UBA2: variants seen among roughly 807,000 people sequenced by gnomAD.
UBA2 encodes the protein ubiquitin like modifier activating enzyme 2.
Under a neutral mutation model 77.2 loss-of-function variants are expected in UBA2, and 11 were observed. The observed-to-expected ratio is 0.14, with a 90% CI of 0.09 to 0.24. The LOEUF (loss-of-function observed/expected upper bound fraction) is 0.24. Ranked by LOEUF, UBA2 falls within the 10% of genes least tolerant of loss-of-function variation. The pLI is 1.00. For missense variants in UBA2, 487 were observed against 781.7 expected (o/e 0.62, Z 4.50); for synonymous variants, 278 against 276.7 (o/e 1.00, Z -0.05).
chr19:34,467,859 A>G (rs2145574337), intron 16 of UBA2, among the ~76,000 whole-genome samples: 1 of 152,210 alleles, frequency 6.6e-6, no homozygotes, highest in East Asian at 1.9e-4. Flanking sequence ...GGTTTTTAAC[A>G]GTTTGAAATG....
chr19:34,439,612 T>G (rs60000238), intron 6 of UBA2, among the ~76,000 whole-genome samples: 14,283 of 152,092 alleles, frequency 0.094, 1,083 homozygotes, highest in African/African-American at 0.21. Flanking sequence ...GGAGGATCCC[T>G]TGAGCCCAGG....
At position 34,431,852 on chromosome 19, in the gene UBA2, T is replaced by A; in HGVS notation, c.223-9T>A. On this transcript the variant is annotated splice_polypyrimidine_tract_variant and intron_variant, in intron 2 of 16. Coordinates refer to ENST00000246548, the MANE Select transcript of UBA2 (RefSeq NM_005499.3). ...TATTGTAGTAATTCAGTGTTGTTTA[T>A]TTTTCCAGGTTGCCAAGGAAAGTGT... 6.2e-7 allele frequency: 1 copy of A among 1,612,536 alleles called. No individual in the cohort carries two copies. The highest frequency in any genetic ancestry group is 1.3e-5 in the African/African-American group (1 of 74,980).
At position 34,444,887 on chromosome 19, in the gene UBA2, TG is replaced by T. The variant is rs1408750399; in HGVS notation, c.650-112del. 1.5e-5 allele frequency: 15 copies of T among 1,029,008 alleles called. No individual in the cohort carries two copies. The East Asian group carries it at 3.8e-4, about 26-fold the overall frequency. The allele number at this position is 1,029,008 out of a possible 1,614,324, so 63.7% of individuals were successfully genotyped here. On this transcript the variant is annotated intron_variant, in intron 7 of 16. Coordinates refer to ENST00000246548, the MANE Select transcript of UBA2 (RefSeq NM_005499.3). ...TTTCTTATTCCTTGAACTCAGAATG[TG>T]TTGCATTTGGGGATTTCCATGAGTG...
chr19:34,449,175 T>G (rs1599912830), intron 8 of UBA2, among the ~76,000 whole-genome samples: 1 of 151,274 alleles, frequency 6.6e-6, no homozygotes, highest in South Asian at 2.1e-4. Flanking sequence ...GTTCAAGCGA[T>G]TCTCCTGCCT....
At position 34,461,948 on chromosome 19, in the gene UBA2, AG is replaced by A. The variant is rs1023621167; in HGVS notation, c.1498+1383del. Reference sequence around the variant, plus strand: ...GTAGTGAGGACTCCCTGGACAAAGAAGAGAGCATTTAGACAGAATGAACATC... The same window carrying A: ...GTAGTGAGGACTCCCTGGACAAAGAAAGAGCATTTAGACAGAATGAACATC... On this transcript the variant is annotated intron_variant, in intron 14 of 16. Transcript: ENST00000246548. 2.6e-5 allele frequency among the ~76,000 whole-genome samples: 4 copies of A among 152,206 alleles called. No individual in the cohort carries two copies. In the East Asian group the frequency reaches 5.8e-4, roughly 22 times the overall value.
Position 34,464,029 on chromosome 19 carries a change from A to G in UBA2, c.1502A>G (p.Asn501Ser). The G allele has an allele frequency of 6.2e-7, 1 of 1,610,006 alleles. No individual in the cohort carries two copies. The highest frequency in any genetic ancestry group is 8.5e-7 in the Non-Finnish European group (1 of 1,176,264). The change falls in exon 15 of 17, where the codon AAT (asparagine) becomes AGT (serine). Residue 501 changes from asparagine to serine, a missense_variant. Around this residue, in one of 9 missense-constraint regions of UBA2, gnomAD observed 300 missense variants for 454.3 expected, o/e 0.66. Coordinates refer to ENST00000246548, the MANE Select transcript of UBA2 (RefSeq NM_005499.3). ...CTAAATTATTCACGTTTCCTAGCTA[A>G]TAATCACAAGAAGTTGTCAGAATTT... ...ISSEEGETEA[N>S]NHKKLSEFGI...
chr19:34,448,730 TAGAG>T (rs1011436996), intron 8 of UBA2, among the ~76,000 whole-genome samples: 8 of 152,112 alleles, frequency 5.3e-5, no homozygotes, highest in Non-Finnish European at 1.0e-4. Flanking sequence ...TGTAGATAAG[TAGAG>T]AGGTTTCAAC....
chr19:34,460,573 T>C lies in UBA2; in HGVS notation c.1498+7T>C. 1 of 1,576,920 alleles carries C rather than the reference T, an allele frequency of 6.3e-7. No homozygotes were observed. The highest frequency in any genetic ancestry group is 1.2e-5 in the South Asian group (1 of 85,592). ...GAAGAGGGAGAGACGGAAGGTATCA[T>C]ACATTGTATTTATTCATTCCTCTCA... On this transcript the variant is annotated splice_region_variant and intron_variant, in intron 14 of 16. Coordinates refer to ENST00000246548, the MANE Select transcript of UBA2 (RefSeq NM_005499.3).
At position 34,445,216 on chromosome 19, in the gene UBA2, T is replaced by C. The variant is rs140851518; in HGVS notation, c.771+95T>C. On this transcript the variant is annotated intron_variant, in intron 8 of 16. Transcript: ENST00000246548. The stretch of plus-strand genomic sequence containing the variant: ...CTTGTTTTAAAATAGTCCATAAAAT[T>C]GAATTAAGCTTCTATGTATATGCCT... 5.6e-3 allele frequency: 7,255 copies of C among 1,295,648 alleles called. 40 individuals carry two copies. Among genetic ancestry groups the C allele is most frequent in the Non-Finnish European group, 6.8e-3 (6,390 of 942,200 alleles). 80.3% of individuals were successfully genotyped at this position (1,295,648 alleles called of 1,614,324 possible).
chr19:34,451,565 T>G (rs916197127), intron 9 of UBA2, among the ~76,000 whole-genome samples: 28 of 135,792 alleles, frequency 2.1e-4, no homozygotes, highest in Middle Eastern at 3.8e-3. Flanking sequence ...TTTTTTTTTT[T>G]GAGACAGAGT....
chr19:34,443,731 C>A (rs911237131), intron 6 of UBA2, 113 bp from the exon 7 acceptor site: 3 of 753,766 alleles, frequency 4.0e-6, no homozygotes, highest in Admixed American at 2.0e-5. Flanking sequence ...TGAGCCACTG[C>A]GCCCAGCCAG....
intron 16 of UBA2, among the ~76,000 whole-genome samples, chr19:34,467,335 G>A (rs768427671): frequency 9.9e-5 from 15 of 151,830 alleles, no homozygotes; most frequent in Admixed American, 5.3e-4. Context: ...AACCACGCAT[G>A]GTAGCGTGTA....
At chr19:34,444,033 GTTTTTTTTTTGTTTTTTTTTTTTTTT>G in intron 7 of UBA2, 122 bp downstream of exon 7, 1 of 202,742 alleles carries the variant, frequency 4.9e-6, no homozygotes, top group Non-Finnish European at 8.8e-6. Context: ...TTTAACATGT[GTTTTTTTTTTGTTTTTTTTTTTTTTT>G]TTTTTTTTTG....
chr19:34,445,151 T>C, intron 8 of UBA2, 30 bp downstream of exon 8: 1 of 1,598,182 alleles, frequency 6.3e-7, no homozygotes, highest in South Asian at 1.1e-5. Flanking sequence ...TAATCATGGA[T>C]AGATGTATTG....
chr19:34,431,016 C>T (rs932032905), intron 2 of UBA2, among the ~76,000 whole-genome samples: 1 of 152,030 alleles, frequency 6.6e-6, no homozygotes, highest in African/African-American at 2.4e-5. Flanking sequence ...AGACAGTTCC[C>T]CCGATCTTTG....
At chr19:34,454,606 TAATTA>T in intron 12 of UBA2, 50 bp downstream of exon 12, 1 of 913,496 alleles carries the variant, frequency 1.1e-6, no homozygotes, top group Non-Finnish European at 1.6e-6. Flanking sequence ...AAAAAATCAT[TAATTA>T]AAAGTACATT....
chr19:34,455,487 C>CA (rs2075548307), intron 12 of UBA2, among the ~76,000 whole-genome samples: 1 of 152,076 alleles, frequency 6.6e-6, no homozygotes, highest in South Asian at 2.1e-4. Flanking sequence ...CTTACCAGCT[C>CA]AAGAAGGCTT....
At chr19:34,433,957 C>A (rs2075283004) in intron 4 of UBA2, among the ~76,000 whole-genome samples, 1 of 151,426 alleles carries the variant, frequency 6.6e-6, no homozygotes, top group African/African-American at 2.4e-5. Flanking sequence ...GACCCTGTCT[C>A]AAAAAAAGAA....
Position 34,464,018 on chromosome 19 carries a change from T to C in UBA2, c.1499-8T>C. 1 of 1,594,284 alleles carries C rather than the reference T, an allele frequency of 6.3e-7. No individual in the cohort carries two copies. The highest frequency in any genetic ancestry group is 1.7e-5 in the Admixed American group (1 of 59,974). On this transcript the variant is annotated splice_polypyrimidine_tract_variant and splice_region_variant and intron_variant, in intron 14 of 16. Transcript: ENST00000246548. ...AACTGAAGTATCTAAATTATTCACGTTTCCTAGCTAATAATCACAAGAAGT... is the reference window on the plus strand; with the variant it reads ...AACTGAAGTATCTAAATTATTCACGCTTCCTAGCTAATAATCACAAGAAGT...
Sources: gnomAD v4.1 joint callset for allele counts (sites outside exome capture counted in the v4.1 genomes callset) on GRCh38, gnomAD v4.1.1 for gene constraint, gnomAD v4.1.1 regional missense constraint, MANE v1.5 for transcripts, NCBI Gene and HGNC (gene_info 2026-07-23, HGNC 2026-07-21) for gene names.